CRAMP1: variants seen among roughly 807,000 people sequenced by gnomAD.
CRAMP1 encodes cramped chromatin regulator 1.
Under a neutral mutation model 115.4 loss-of-function variants are expected in CRAMP1, and 50 were observed. The ratio of observed to expected loss-of-function variants is 0.43; its 90% CI spans 0.35 to 0.55. The LOEUF is 0.55. Ranked by LOEUF, CRAMP1 falls within the 20% of genes least tolerant of loss-of-function variation. The pLI, the probability that CRAMP1 is intolerant of heterozygous loss-of-function variation, is 0.01. For missense variants in CRAMP1, 1,679 were observed against 1,721.7 expected (o/e 0.98, Z 0.44); for synonymous variants, 866 against 745.4 (o/e 1.16, Z -2.64).
In CRAMP1 at chr16:1,651,291, TCA is replaced by T. The variant is rs2036720399; in HGVS notation, c.828-1198_828-1197del. On this transcript the variant is annotated intron_variant, in intron 6 of 20. Transcript: ENST00000397412. ...GAGATCACGGAGAGCTGGACTGAGG[TCA>T]CACACAGGTTATGGAGAGGTCGACT... Among the ~76,000 whole-genome samples, 5 of 147,970 alleles carry T rather than the reference TCA, an allele frequency of 3.4e-5. 1 individual carries two copies. The highest frequency in any genetic ancestry group is 2.7e-4 in the Admixed American group (4 of 14,810).
chr16:1,635,776 C>T (rs2036584067), intron 4 of CRAMP1, among the ~76,000 whole-genome samples: 1 of 152,216 alleles, frequency 6.6e-6, no homozygotes, highest in South Asian at 2.1e-4. Flanking sequence ...TCTCTAGTTG[C>T]AGAATATGTC....
intron 2 of CRAMP1, among the ~76,000 whole-genome samples, chr16:1,622,169 A>C (rs1248430396): frequency 6.6e-6 from 1 of 152,212 alleles, no homozygotes; most frequent in Non-Finnish European, 1.5e-5. Context: ...GGTGAACCAG[A>C]GGCCACCTTC....
chr16:1,630,912 G>A (rs1027089310), intron 3 of CRAMP1, among the ~76,000 whole-genome samples: 4 of 152,194 alleles, frequency 2.6e-5, no homozygotes, highest in East Asian at 1.9e-4. Flanking sequence ...TTGGCGGCCC[G>A]TGGTGTTCTT....
At position 1,652,488 on chromosome 16, in the gene CRAMP1, T is replaced by C; in HGVS notation, c.828-8T>C. 1 of 1,551,344 alleles carries C rather than the reference T, an allele frequency of 6.4e-7. No homozygotes were observed. The highest frequency in any genetic ancestry group is 8.7e-7 in the Non-Finnish European group (1 of 1,146,694). Reference sequence around the variant, plus strand: ...GGCCTCAGCGTTCCTTCAAAACTCTTTTCCCAGGGCCACCACTGTACGTTA... The same window carrying C: ...GGCCTCAGCGTTCCTTCAAAACTCTCTTCCCAGGGCCACCACTGTACGTTA... On this transcript the variant is annotated splice_region_variant and splice_polypyrimidine_tract_variant and intron_variant, in intron 6 of 20. Coordinates refer to ENST00000397412, the MANE Select transcript of CRAMP1 (RefSeq NM_020825.4).
rs779805004 is a variant in CRAMP1, at chr16:1,662,647, C to G, written c.2571C>G (p.Phe857Leu). The G allele has an allele frequency of 1.2e-6, 2 of 1,614,058 alleles. No homozygotes were observed. Among genetic ancestry groups the G allele is most frequent in the Admixed American group, 1.7e-5 (1 of 60,032 alleles). Residue 857 changes from phenylalanine (F) to leucine (L), a missense_variant, in exon 12 of 21, where the codon TTC becomes TTG. Transcript: ENST00000397412. ...FSPSKEAELTFRQHLNSISMQ... is the reference protein window; with the variant it reads ...FSPSKEAELTLRQHLNSISMQ... ...CCAGTAAAGAAGCAGAGCTGACTTT[C>G]CGCCAGCATCTGAACTCCATCAGTG...
chr16:1,649,020 C>T (rs2036700450), intron 6 of CRAMP1, among the ~76,000 whole-genome samples: 1 of 151,454 alleles, frequency 6.6e-6, no homozygotes, highest in Non-Finnish European at 1.5e-5. Context: ...GATCATGCCA[C>T]TGCAGTCCAG....
intron 9 of CRAMP1, 67 bp from the exon 10 acceptor site, chr16:1,655,810 C>A: frequency 6.5e-7 from 1 of 1,538,290 alleles, no homozygotes; most frequent in Non-Finnish European, 8.8e-7. Context: ...GTGTCTGTAC[C>A]CATGTGCCTG....
At chr16:1,630,961 C>T (rs1351037320) in intron 3 of CRAMP1, among the ~76,000 whole-genome samples, 1 of 152,204 alleles carries the variant, frequency 6.6e-6, no homozygotes, top group Non-Finnish European at 1.5e-5. Flanking sequence ...TGGTCGCTGC[C>T]CTCAGGCAGC....
chr16:1,670,876 C>G (rs888635895), intron 20 of CRAMP1, 67 bp downstream of exon 20: 20 of 1,482,848 alleles, frequency 1.3e-5, no homozygotes, highest in Non-Finnish European at 1.9e-5. Flanking sequence ...CCAGCACTCT[C>G]CTGCACACCT....
chr16:1,612,912 C>G (rs940646574), intron 1 of CRAMP1, among the ~76,000 whole-genome samples: 3 of 152,064 alleles, frequency 2.0e-5, no homozygotes, highest in African/African-American at 7.2e-5. Context: ...AGGCCATCCC[C>G]CTGCTTGTTG....
intron 10 of CRAMP1, among the ~76,000 whole-genome samples, chr16:1,657,225 A>G (rs2036784157): frequency 6.6e-6 from 1 of 152,224 alleles, no homozygotes. Flanking sequence ...TCCCTCGAGG[A>G]GGGATCCTCG....
At chr16:1,628,887 G>A (rs867017078) in intron 3 of CRAMP1, among the ~76,000 whole-genome samples, 7 of 152,196 alleles carry the variant, frequency 4.6e-5, no homozygotes, top group Admixed American at 4.6e-4. Flanking sequence ...CTCCTCAGGC[G>A]AGAGTGCTGC....
intron 3 of CRAMP1, among the ~76,000 whole-genome samples, chr16:1,629,488 T>C (rs1422862430): frequency 1.3e-5 from 2 of 152,348 alleles, no homozygotes; most frequent in African/African-American, 4.8e-5. Flanking sequence ...GAAAAGCTTC[T>C]GTCTGGTGGG....
intron 11 of CRAMP1, among the ~76,000 whole-genome samples, chr16:1,660,632 T>C (rs1352149632): frequency 6.6e-6 from 1 of 152,232 alleles, no homozygotes; most frequent in East Asian, 1.9e-4. Context: ...GGCATCAGTT[T>C]CACTGGCTTT....
intron 6 of CRAMP1, among the ~76,000 whole-genome samples, chr16:1,641,687 A>G (rs1487739193): frequency 1.3e-5 from 2 of 152,138 alleles, no homozygotes; most frequent in Non-Finnish European, 2.9e-5. Context: ...CTGGCCACAC[A>G]AACAACCGGG....
At chr16:1,630,388 G>A (rs2036539971) in intron 3 of CRAMP1, among the ~76,000 whole-genome samples, 1 of 152,144 alleles carries the variant, frequency 6.6e-6, no homozygotes, top group Non-Finnish European at 1.5e-5. Context: ...CTGGGCTCAA[G>A]CAATTCTCTC....
At chr16:1,667,296 T>G in intron 16 of CRAMP1, 39 bp from the exon 17 acceptor site, 1 of 1,579,184 alleles carries the variant, frequency 6.3e-7, no homozygotes, top group Non-Finnish European at 8.7e-7. Flanking sequence ...TGGCATCTGG[T>G]GCACCCTGCG....
chr16:1,631,773 G>C (rs1567449953), intron 3 of CRAMP1, among the ~76,000 whole-genome samples: 1 of 152,240 alleles, frequency 6.6e-6, no homozygotes, highest in Admixed American at 6.5e-5. Flanking sequence ...GTCCTCGTTT[G>C]AATATGGAAT....
chr16:1,654,226 T>TC (rs1165377713), intron 8 of CRAMP1, among the ~76,000 whole-genome samples: 3 of 151,626 alleles, frequency 2.0e-5, no homozygotes, highest in Non-Finnish European at 4.4e-5. Flanking sequence ...CTTTTTTTTT[T>TC]CCGAGATGGA....
Sources: allele counts gnomAD v4.1 joint callset (sites outside exome capture counted in the v4.1 genomes callset), GRCh38; gene constraint gnomAD v4.1.1; transcripts MANE v1.5; gene names NCBI Gene and HGNC (gene_info 2026-07-23, HGNC 2026-07-21).